Variants in ULK4 observed in about 807,000 individuals in gnomAD.
ULK4 encodes inactive serine/threonine-protein kinase ULK4.
A neutral mutation model predicts 160.6 loss-of-function variants in ULK4; 133 were observed. That is an observed-to-expected ratio of 0.83 (90% CI 0.72 to 0.96). The LOEUF (loss-of-function observed/expected upper bound fraction) is 0.96, where lower values mean the gene tolerates loss of function less well. Ranked by LOEUF, ULK4 falls within the 40% of genes least tolerant of loss-of-function variation. The probability of loss-of-function intolerance (pLI) is 0.00; values close to 1 mark genes in which losing one functional copy is unlikely to be tolerated. For missense variants in ULK4, 1,580 were observed against 1,499.5 expected (o/e 1.05, Z -0.89); for synonymous variants, 534 against 539.8 (o/e 0.99, Z 0.15).
intron 20 of ULK4, among the ~76,000 whole-genome samples, chr3:41,792,286 T>C (rs1348992213): frequency 6.6e-6 from 1 of 151,804 alleles, no homozygotes; most frequent in Non-Finnish European, 1.5e-5. Flanking sequence ...GAGGTAGGGG[T>C]GTGTGTGTGT....
intron 16 of ULK4, among the ~76,000 whole-genome samples, chr3:41,884,265 G>GCAA (rs1697636591): frequency 1.3e-5 from 2 of 152,192 alleles, no homozygotes; most frequent in African/African-American, 4.8e-5. Flanking sequence ...GAGCAAAACA[G>GCAA]TAATTAATCC....
At chr3:41,485,829 A>G (rs2084507689) in intron 32 of ULK4, among the ~76,000 whole-genome samples, 1 of 152,250 alleles carries the variant, frequency 6.6e-6, no homozygotes, top group Non-Finnish European at 1.5e-5. Flanking sequence ...CACTGAAATC[A>G]ATTCAAGTTA....
chr3:41,745,573 A>C (rs2038393389), intron 22 of ULK4, among the ~76,000 whole-genome samples: 1 of 151,750 alleles, frequency 6.6e-6, no homozygotes, highest in African/African-American at 2.4e-5. Context: ...AAAAATTTTA[A>C]AGAAAAATTA....
Position 41,876,170 on chromosome 3 carries a change from C to G in ULK4, c.1656+7704G>C, listed in dbSNP as rs1697295514. Among the ~76,000 whole-genome samples the G allele has an allele frequency of 5.4e-5, 7 of 129,734 alleles. No homozygotes were observed. The South Asian group carries it at 1.5e-3, about 29-fold the overall frequency. The allele number at this position is 129,734 out of a possible 152,430, so 85.1% of individuals were successfully genotyped here. A position where few individuals can be genotyped will look rare whatever the true frequency, so the allele number is the denominator to read the frequency against. ...AATGTGGCAAGAAAAAATAGAGGAA[C>G]AATTCTAGAAAAAAACATGAGGAAA... On this transcript the variant is annotated intron_variant, in intron 17 of 36. Coordinates refer to ENST00000301831, the MANE Select transcript of ULK4 (RefSeq NM_017886.4).
chr3:41,293,620 T>G (rs2079614838), intron 35 of ULK4, among the ~76,000 whole-genome samples: 1 of 152,222 alleles, frequency 6.6e-6, no homozygotes, highest in South Asian at 2.1e-4. Flanking sequence ...CTATCTCCAC[T>G]GTTTCCTGGC....
In ULK4 at chr3:41,351,501, A is replaced by C. The variant is rs1161695272; in HGVS notation, c.3678+46578T>G. On this transcript the variant is annotated intron_variant, in intron 35 of 36. Coordinates refer to ENST00000301831, the MANE Select transcript of ULK4 (RefSeq NM_017886.4). ...CTCCAGAGTACATTCTGAAATACTG[A>C]AAATTAGAACCTCCAGGGATTCCAC... Among the ~76,000 whole-genome samples, 3 of 152,330 alleles carry C rather than the reference A, an allele frequency of 2.0e-5. No homozygotes were observed. The East Asian group carries it at 5.8e-4, about 29-fold the overall frequency.
chr3:41,790,505 C>T (rs1201025284), intron 20 of ULK4, among the ~76,000 whole-genome samples: 1 of 152,096 alleles, frequency 6.6e-6, no homozygotes, highest in Admixed American at 6.5e-5. Flanking sequence ...CTCAATTAAT[C>T]GTGCTTGGAA....
rs147552561 is a variant in ULK4 at position 41,469,880 on chromosome 3, A to T, written c.3227-6627T>A. ...AAGAATCAGTGAACTTGAAGATAGA[A>T]CATCTGAAATTATCCAATCAGAGCT... On this transcript the variant is annotated intron_variant, in intron 32 of 36. Coordinates refer to ENST00000301831, the MANE Select transcript of ULK4 (RefSeq NM_017886.4). Among the ~76,000 whole-genome samples, 953 of 151,302 alleles carry T rather than the reference A, an allele frequency of 6.3e-3. 11 individuals are homozygous for T. Among genetic ancestry groups the T allele is most frequent in the South Asian group, 0.02 (94 of 4,816 alleles).
At chr3:41,930,538 C>A (rs1450264202) in intron 5 of ULK4, among the ~76,000 whole-genome samples, 1 of 152,102 alleles carries the variant, frequency 6.6e-6, no homozygotes, top group Non-Finnish European at 1.5e-5. Flanking sequence ...AAACTAGCAT[C>A]AGAATGAACA....
At chr3:41,533,090 T>C (rs2125942593) in intron 32 of ULK4, among the ~76,000 whole-genome samples, 2 of 152,262 alleles carry the variant, frequency 1.3e-5, no homozygotes, top group Non-Finnish European at 1.5e-5. Flanking sequence ...TAAGAGATCA[T>C]GTAGAGAGAG....
intron 32 of ULK4, among the ~76,000 whole-genome samples, chr3:41,499,083 A>G (rs2085096798): frequency 6.6e-6 from 1 of 152,246 alleles, no homozygotes; most frequent in African/African-American, 2.4e-5. Context: ...ACAACTAAGT[A>G]TTACATTATT....
At chr3:41,467,521 T>C (rs2083864584) in intron 32 of ULK4, among the ~76,000 whole-genome samples, 1 of 152,132 alleles carries the variant, frequency 6.6e-6, no homozygotes, top group African/African-American at 2.4e-5. Context: ...AGCACGACTC[T>C]GTTACAAACA....
intron 34 of ULK4, among the ~76,000 whole-genome samples, chr3:41,402,379 A>C (rs1432024848): frequency 6.6e-6 from 1 of 152,154 alleles, no homozygotes; most frequent in Non-Finnish European, 1.5e-5. Context: ...ACTAGTTAGA[A>C]CCTCCACTAA....
rs565727539 is a variant in ULK4 at position 41,941,755 on chromosome 3, CAAAAAAAA to C, written c.139-3566_139-3559del. On this transcript the variant is annotated intron_variant, in intron 2 of 36. Transcript: ENST00000301831. ...TGAGTGACAGAGTGAGACTCTGTCT[CAAAAAAAA>C]AAAAAAAAAAAAAAAAGAGAAAGAA... Among the ~76,000 whole-genome samples, 31 of 30,752 alleles carry C rather than the reference CAAAAAAAA, an allele frequency of 1.0e-3. 1 individual carries two copies. The highest frequency in any genetic ancestry group is 1.6e-3 in the Non-Finnish European group (22 of 14,164). 20.2% of individuals were successfully genotyped at this position (30,752 alleles called of 152,430 possible).
intron 17 of ULK4, among the ~76,000 whole-genome samples, chr3:41,856,037 G>A (rs1259256073): frequency 6.6e-6 from 1 of 152,104 alleles, no homozygotes; most frequent in Non-Finnish European, 1.5e-5. Flanking sequence ...AAATTAGAAA[G>A]CATGTCTTTA....
intron 33 of ULK4, among the ~76,000 whole-genome samples, chr3:41,458,367 A>G (rs1188542797): frequency 6.6e-6 from 1 of 152,166 alleles, no homozygotes; most frequent in African/African-American, 2.4e-5. Context: ...TGGAGAGCAC[A>G]GTAAGTGTTG....
intron 35 of ULK4, among the ~76,000 whole-genome samples, chr3:41,340,941 C>T (rs2080669545): frequency 6.6e-6 from 1 of 152,160 alleles, no homozygotes; most frequent in Non-Finnish European, 1.5e-5. Flanking sequence ...CAAGTTTCTC[C>T]TCCTGAAGTG....
intron 34 of ULK4, among the ~76,000 whole-genome samples, chr3:41,443,781 A>T (rs1290511866): frequency 1.3e-5 from 2 of 152,030 alleles, no homozygotes; most frequent in African/African-American, 4.8e-5. Context: ...TTATATACAC[A>T]TTTTAAAATA....
intron 29 of ULK4, among the ~76,000 whole-genome samples, chr3:41,663,913 A>T (rs1321341241): frequency 6.6e-6 from 1 of 152,226 alleles, no homozygotes; most frequent in African/African-American, 2.4e-5. Flanking sequence ...AAATATAGAA[A>T]GACAAAAGGA....
Sources: gnomAD v4.1 joint callset for allele counts (sites outside exome capture counted in the v4.1 genomes callset) on GRCh38, gnomAD v4.1.1 for gene constraint, MANE v1.5 for transcripts, NCBI Gene and HGNC (gene_info 2026-07-23, HGNC 2026-07-21) for gene names.